GUCA1C: variants seen among roughly 807,000 people sequenced by gnomAD.
GUCA1C encodes the protein guanylyl cyclase-activating protein 3.
GUCA1C carries 15 observed loss-of-function variants against 16.2 expected under a neutral mutation model. The observed-to-expected ratio is 0.93, with a 90% CI of 0.62 to 1.43. The LOEUF is 1.43. GUCA1C is among the 40% of genes most tolerant of loss of function. The probability of loss-of-function intolerance (pLI) is 0.00; values close to 1 mark genes in which losing one functional copy is unlikely to be tolerated. For synonymous variants in GUCA1C, 78 were observed against 85.4 expected (o/e 0.91, Z 0.48); for missense variants, 275 against 244.8 (o/e 1.12, Z -0.82).
At chr3:108,912,122 A>AATAATAATAATAATAATAATAATCATC (rs762101057) in intron 3 of GUCA1C, among the ~76,000 whole-genome samples, 23 of 147,740 alleles carry the variant, frequency 1.6e-4, no homozygotes, top group South Asian at 8.7e-4. Flanking sequence ...TAATAATAAT[A>AATAATAATAATAATAATAATAATCATC]ATCACCCTTT....
At chr3:108,946,427 T>C (rs970051237) in intron 1 of GUCA1C, among the ~76,000 whole-genome samples, 68 of 152,186 alleles carry the variant, frequency 4.5e-4, no homozygotes, top group Non-Finnish European at 5.9e-4. Flanking sequence ...TGAGCCACCA[T>C]GCACAGCCTA....
chr3:108,940,799 C>A, intron 1 of GUCA1C, among the ~76,000 whole-genome samples: 1 of 152,222 alleles, frequency 6.6e-6, no homozygotes, highest in East Asian at 1.9e-4. Flanking sequence ...GACTGGATTG[C>A]ACATTTTTTC....
chr3:108,914,860 C>T (rs903472536), intron 3 of GUCA1C, among the ~76,000 whole-genome samples: 1 of 152,194 alleles, frequency 6.6e-6, no homozygotes, highest in African/African-American at 2.4e-5. Context: ...CCTGGCTGCA[C>T]GTAGCCTCCT....
In GUCA1C at chr3:108,932,334, AAAAAAC is replaced by A. The variant is rs1459853689; in HGVS notation, c.205-11755_205-11750del. Among the ~76,000 whole-genome samples, 188 of 109,248 alleles carry A rather than the reference AAAAAAC, an allele frequency of 1.7e-3. 2 individuals carry two copies. The highest frequency in any genetic ancestry group is 7.5e-3 in the African/African-American group (183 of 24,292). 71.7% of individuals were successfully genotyped at this position (109,248 alleles called of 152,430 possible). ...CCTAGACCTCCCACCAAAAAAAAAAAAAAAACAAAAAAAAAAAACAGCATCAAAGCT... is the reference window on the plus strand; with the variant it reads ...CCTAGACCTCCCACCAAAAAAAAAAAAAAAAAAAAAAACAGCATCAAAGCT... On this transcript the variant is annotated intron_variant, in intron 1 of 3. Coordinates refer to ENST00000261047, the MANE Select transcript of GUCA1C (RefSeq NM_005459.4).
chr3:108,924,860 G>A (rs1268862837), intron 1 of GUCA1C, among the ~76,000 whole-genome samples: 4 of 152,102 alleles, frequency 2.6e-5, no homozygotes, highest in African/African-American at 9.7e-5. Context: ...AATCTAGGAG[G>A]TTTGTGTATT....
chr3:108,932,218 G>A (rs1465039491), intron 1 of GUCA1C, among the ~76,000 whole-genome samples: 1 of 150,156 alleles, frequency 6.7e-6, no homozygotes, highest in Non-Finnish European at 1.5e-5. Flanking sequence ...GAACTGTTTG[G>A]AAATGACGAA....
intron 1 of GUCA1C, among the ~76,000 whole-genome samples, chr3:108,934,814 T>TTTTC (rs1470601676): frequency 7.5e-6 from 1 of 133,788 alleles, no homozygotes; most frequent in Admixed American, 7.4e-5. Flanking sequence ...TGATCTTTTT[T>TTTTC]TTTTTTTTTT....
At chr3:108,918,811 G>T (rs553324348) in intron 2 of GUCA1C, among the ~76,000 whole-genome samples, 38 of 152,008 alleles carry the variant, frequency 2.5e-4, no homozygotes, top group African/African-American at 8.9e-4. Context: ...CCATTATATA[G>T]AAAGTGTGTT....
intron 1 of GUCA1C, among the ~76,000 whole-genome samples, chr3:108,946,767 T>C (rs964758465): frequency 6.6e-6 from 1 of 151,792 alleles, no homozygotes; most frequent in Non-Finnish European, 1.5e-5. Context: ...TAATGAATCA[T>C]TGGCATGAAA....
At chr3:108,937,558 A>G (rs977130952) in intron 1 of GUCA1C, among the ~76,000 whole-genome samples, 3 of 152,168 alleles carry the variant, frequency 2.0e-5, no homozygotes, top group Non-Finnish European at 4.4e-5. Context: ...CAGTCCTTTG[A>G]TTTTAGATGG....
At chr3:108,941,691 C>T (rs1037867144) in intron 1 of GUCA1C, among the ~76,000 whole-genome samples, 3 of 152,150 alleles carry the variant, frequency 2.0e-5, no homozygotes, top group African/African-American at 7.2e-5. Context: ...AACCCAGATG[C>T]CTAGGTGTGG....
intron 3 of GUCA1C, among the ~76,000 whole-genome samples, chr3:108,913,795 C>T (rs887727645): frequency 5.9e-5 from 9 of 152,064 alleles, no homozygotes; most frequent in Non-Finnish European, 1.0e-4. Context: ...GGGCTGGGCA[C>T]GGTGGCTCAC....
intron 1 of GUCA1C, among the ~76,000 whole-genome samples, 186 bp downstream of exon 1, chr3:108,953,373 T>C (rs1055372519): frequency 6.6e-6 from 1 of 152,136 alleles, no homozygotes; most frequent in Non-Finnish European, 1.5e-5. Context: ...CCCAATTATT[T>C]TCATGCCGTC....
At chr3:108,919,745 T>A (rs1946552306) in intron 2 of GUCA1C, among the ~76,000 whole-genome samples, 1 of 152,202 alleles carries the variant, frequency 6.6e-6, no homozygotes, top group African/African-American at 2.4e-5. Flanking sequence ...ACAAATAATT[T>A]GGACCAGATC....
Position 108,953,623 on chromosome 3 carries a change from T to A in GUCA1C, c.140A>T (p.Gln47Leu). The A allele has an allele frequency of 6.2e-7, 1 of 1,613,414 alleles. No homozygotes were observed. Among genetic ancestry groups the A allele is most frequent in the Non-Finnish European group, 8.5e-7 (1 of 1,179,332 alleles). The change falls in exon 1 of 4, where the codon CAA (glutamine) becomes CTA (leucine). Residue 47 changes from glutamine to leucine, a missense_variant. Transcript: ENST00000261047. ...LHEFKTLLGL[Q>L]GLNQKANKHI... ...TTTATTGGCCTTCTGATTCAGACCT[T>A]GCAGACCCAAAAGTGTCTTAAATTC...
rs1946608820 is a variant in GUCA1C at position 108,924,996 on chromosome 3, T to A, written c.205-4411A>T. Among the ~76,000 whole-genome samples, 3 of 152,202 alleles carry A rather than the reference T, an allele frequency of 2.0e-5. No homozygotes were observed. In the South Asian group the frequency reaches 6.2e-4, roughly 31 times the overall value. On this transcript the variant is annotated intron_variant, in intron 1 of 3. Coordinates refer to ENST00000261047, the MANE Select transcript of GUCA1C (RefSeq NM_005459.4). ...TAATATCTCCTGTTTCATTTCTAATTGAGCTTATTTGGATCTTCTCTCTTC... is the reference window on the plus strand; with the variant it reads ...TAATATCTCCTGTTTCATTTCTAATAGAGCTTATTTGGATCTTCTCTCTTC...
chr3:108,910,094 A>G (rs561784221), intron 3 of GUCA1C, among the ~76,000 whole-genome samples: 3 of 152,310 alleles, frequency 2.0e-5, no homozygotes, highest in East Asian at 1.9e-4. Context: ...ATTACTTCCT[A>G]TTCTGCTTTG....
intron 1 of GUCA1C, among the ~76,000 whole-genome samples, chr3:108,921,166 T>A (rs1300798056): frequency 6.6e-6 from 1 of 152,184 alleles, no homozygotes; most frequent in Non-Finnish European, 1.5e-5. Context: ...GAAAGTCATA[T>A]GGTTAAAATT....
chr3:108,934,944 G>A (rs1359020303), intron 1 of GUCA1C, among the ~76,000 whole-genome samples: 1 of 150,500 alleles, frequency 6.6e-6, no homozygotes, highest in Non-Finnish European at 1.5e-5. Flanking sequence ...CTCCCGAGTA[G>A]CTGGGACTAC....
Sources: gnomAD v4.1 joint callset for allele counts (sites outside exome capture counted in the v4.1 genomes callset) on GRCh38, gnomAD v4.1.1 for gene constraint, MANE v1.5 for transcripts, NCBI Gene and HGNC (gene_info 2026-07-23, HGNC 2026-07-21) for gene names.